The following HMGN3 variants were observed in gnomAD, a reference collection of about 807,000 sequenced individuals.
The protein encoded by HMGN3 is high mobility group nucleosome-binding domain-containing protein 3.
Under a neutral mutation model 18.8 loss-of-function variants are expected in HMGN3, and 6 were observed. That is an observed-to-expected ratio of 0.32 (90% CI 0.18 to 0.63). The LOEUF (loss-of-function observed/expected upper bound fraction) is 0.63. Among genes scored for constraint, HMGN3 ranks in the 30% least tolerant of loss-of-function variants. The probability of loss-of-function intolerance (pLI) is 0.79; values close to 1 mark genes in which losing one functional copy is unlikely to be tolerated. For synonymous variants in HMGN3, 40 were observed against 36.5 expected (o/e 1.10, Z -0.35); for missense variants, 107 against 114.2 (o/e 0.94, Z 0.29).
chr6:79,202,101 T>C, intron 5 of HMGN3: 1 of 1,540,406 alleles, frequency 6.5e-7, no homozygotes, highest in Middle Eastern at 1.7e-4. Flanking sequence ...GACAGTGTGC[T>C]GGGTGGGGTG....
At chr6:79,229,373 G>A (rs916490296) in intron 1 of HMGN3, among the ~76,000 whole-genome samples, 5 of 152,064 alleles carry the variant, frequency 3.3e-5, no homozygotes, top group African/African-American at 1.2e-4. Context: ...TTAAAAATGG[G>A]CAAAATATCT....
chr6:79,220,613 A>T (rs1777230120), intron 1 of HMGN3, among the ~76,000 whole-genome samples: 1 of 152,042 alleles, frequency 6.6e-6, no homozygotes, highest in Non-Finnish European at 1.5e-5. Flanking sequence ...CACCTGGCTA[A>T]TTTTTGTATT....
chr6:79,202,023 G>A (rs538374385), intron 5 of HMGN3, 40 bp downstream of exon 6: 18 of 1,519,092 alleles, frequency 1.2e-5, no homozygotes, highest in Middle Eastern at 1.7e-4. Context: ...TCTGATTCTA[G>A]TCACTGCAAA....
intron 2 of HMGN3, among the ~76,000 whole-genome samples, chr6:79,211,011 C>CAAAA (rs59749044): frequency 1.3e-3 from 114 of 89,672 alleles, no homozygotes; most frequent in East Asian, 7.0e-3. Context: ...GAAATTAATG[C>CAAAA]AAAAAAAAAA....
chr6:79,213,106 T>C (rs1385577461), intron 2 of HMGN3, among the ~76,000 whole-genome samples: 1 of 151,812 alleles, frequency 6.6e-6, no homozygotes, highest in Non-Finnish European at 1.5e-5. Flanking sequence ...CCAGGTGTGC[T>C]AGCATGCACC....
At chr6:79,230,333 T>C (rs1271365940) in intron 1 of HMGN3, among the ~76,000 whole-genome samples, 1 of 152,178 alleles carries the variant, frequency 6.6e-6, no homozygotes, top group Non-Finnish European at 1.5e-5. Flanking sequence ...ATGATGGAAA[T>C]GTTACAAAAC....
intron 2 of HMGN3, among the ~76,000 whole-genome samples, chr6:79,212,308 AATAGGG>A (rs1241643907): frequency 6.6e-6 from 1 of 152,202 alleles, no homozygotes; most frequent in Admixed American, 6.5e-5. Context: ...CTCTAGTTAA[AATAGGG>A]ATAACATCTG....
chr6:79,209,335 AT>A (rs1776570353), intron 2 of HMGN3, among the ~76,000 whole-genome samples: 1 of 152,238 alleles, frequency 6.6e-6, no homozygotes, highest in Admixed American at 6.5e-5. Context: ...TGTCCTAGGC[AT>A]TTCAGCAATA....
rs1777232381 is a variant in HMGN3, at chr6:79,220,648, T to C, written c.16-5626A>G. On this transcript the variant is annotated intron_variant, in intron 1 of 5. Transcript: ENST00000344726. ...TTTTAGTAGAGATGGGGTTTCATCATGTTGGTCAGGCTGGTCTCAAACTCC... is the reference window on the plus strand; with the variant it reads ...TTTTAGTAGAGATGGGGTTTCATCACGTTGGTCAGGCTGGTCTCAAACTCC... Among the ~76,000 whole-genome samples the C allele has an allele frequency of 2.0e-5, 3 of 152,312 alleles. No homozygotes were observed. In the East Asian group the frequency reaches 5.8e-4, roughly 29 times the overall value.
rs148785714 is a variant in HMGN3 at position 79,228,346 on chromosome 6, T to G, written c.15+6200A>C. On this transcript the variant is annotated intron_variant, in intron 1 of 5. Coordinates refer to ENST00000344726, the Ensembl canonical transcript of HMGN3. ...GGTGATGCCCAATGAATGTTTAACA[T>G]GGAGCAAATGAATAATTAAATGTAC... Among the ~76,000 whole-genome samples, 392 of 152,334 alleles carry G rather than the reference T, an allele frequency of 2.6e-3. 3 individuals are homozygous for G. Among genetic ancestry groups the G allele is most frequent in the South Asian group, 0.012 (58 of 4,832 alleles).
intron 1 of HMGN3, among the ~76,000 whole-genome samples, chr6:79,232,729 A>T (rs546129241): frequency 8.5e-5 from 13 of 152,248 alleles, no homozygotes; most frequent in African/African-American, 3.1e-4. Flanking sequence ...CATTATACAT[A>T]AAGTGTGCAC....
intron 3 of HMGN3, among the ~76,000 whole-genome samples, chr6:79,207,379 A>G (rs892250981): frequency 2.0e-5 from 3 of 152,148 alleles, no homozygotes; most frequent in Admixed American, 1.3e-4. Context: ...GTGAAAGTGA[A>G]TGAGTCTGGT....
At chr6:79,214,288 A>G (rs768371918) in intron 2 of HMGN3, among the ~76,000 whole-genome samples, 72 of 138,008 alleles carry the variant, frequency 5.2e-4, no homozygotes, top group Admixed American at 1.3e-3. Flanking sequence ...TGCAACCTCC[A>G]CCTCCCAGGT....
At chr6:79,216,457 T>C (rs1334587743) in intron 1 of HMGN3, among the ~76,000 whole-genome samples, 1 of 152,182 alleles carries the variant, frequency 6.6e-6, no homozygotes, top group East Asian at 1.9e-4. Context: ...TAAAAGTCTT[T>C]AGGAAAGATA....
At chr6:79,223,116 C>T (rs938431618) in intron 1 of HMGN3, among the ~76,000 whole-genome samples, 3 of 152,186 alleles carry the variant, frequency 2.0e-5, no homozygotes, top group African/African-American at 4.8e-5. Flanking sequence ...CAGTGGCTCA[C>T]ATCTGTAATC....
chr6:79,214,265 G>A (rs1343917081), intron 2 of HMGN3, among the ~76,000 whole-genome samples: 9 of 146,652 alleles, frequency 6.1e-5, no homozygotes, highest in Non-Finnish European at 1.0e-4. Flanking sequence ...GCAGTGGTGT[G>A]ATCTCGGCTC....
intron 1 of HMGN3, among the ~76,000 whole-genome samples, chr6:79,222,216 A>G (rs1041245046): frequency 1.3e-5 from 2 of 152,202 alleles, no homozygotes; most frequent in Non-Finnish European, 1.5e-5. Flanking sequence ...ACATTGAGAT[A>G]ATCTTTTTCT....
At chr6:79,227,006 C>T (rs569194849) in intron 1 of HMGN3, among the ~76,000 whole-genome samples, 9 of 152,288 alleles carry the variant, frequency 5.9e-5, no homozygotes, top group Admixed American at 1.3e-4. Context: ...AGTTTGTTAA[C>T]TTCGACAGTG....
rs57045614 is a variant in HMGN3, at chr6:79,202,601, C to T, written c.148-212G>A. 5.0e-3 allele frequency among the ~76,000 whole-genome samples: 764 copies of T among 152,306 alleles called. 9 individuals carry two copies. Among genetic ancestry groups the T allele is most frequent in the African/African-American group, 0.017 (717 of 41,560 alleles). ...TGTGAAAATGTAGTAACAGGTTGCA[C>T]AGAAAGTCCAGTGTACTTTCTCTTC... On this transcript the variant is annotated intron_variant, in intron 4 of 5. Coordinates refer to ENST00000344726, the Ensembl canonical transcript of HMGN3.
Sources: allele counts gnomAD v4.1 joint callset (sites outside exome capture counted in the v4.1 genomes callset), GRCh38; gene constraint gnomAD v4.1.1; transcripts MANE v1.5; gene names NCBI Gene and HGNC (gene_info 2026-07-23, HGNC 2026-07-21).